The following DOK6 variants were observed in gnomAD, a reference collection of about 807,000 sequenced individuals.
The protein encoded by DOK6 is downstream of tyrosine kinase 6.
Under a neutral mutation model 44.0 loss-of-function variants are expected in DOK6, and 22 were observed. The observed-to-expected ratio is 0.50, with a 90% CI of 0.36 to 0.71. The LOEUF is 0.71. Among genes scored for constraint, DOK6 ranks in the 30% least tolerant of loss-of-function variants. The pLI, the probability that DOK6 is intolerant of heterozygous loss-of-function variation, is 0.00. For synonymous variants in DOK6, 166 were observed against 145.5 expected (o/e 1.14, Z -1.01); for missense variants, 340 against 416.4 (o/e 0.82, Z 1.60).
At chr18:69,570,107 T>C (rs1983079368) in intron 2 of DOK6, among the ~76,000 whole-genome samples, 1 of 151,550 alleles carries the variant, frequency 6.6e-6, no homozygotes, top group African/African-American at 2.4e-5. Flanking sequence ...GCTTAGTACC[T>C]GAGTGATGAA....
At chr18:69,667,496 G>A (rs1233559462) in intron 3 of DOK6, among the ~76,000 whole-genome samples, 1 of 152,074 alleles carries the variant, frequency 6.6e-6, no homozygotes, top group East Asian at 1.9e-4. Context: ...GCTACCTTAA[G>A]AAAAAGGTAA....
At chr18:69,409,866 A>T (rs1404436647) in intron 1 of DOK6, among the ~76,000 whole-genome samples, 1 of 152,214 alleles carries the variant, frequency 6.6e-6, no homozygotes, top group African/African-American at 2.4e-5. Context: ...GCTTTGAAAA[A>T]TATTCCTTTT....
intron 1 of DOK6, among the ~76,000 whole-genome samples, chr18:69,463,630 A>C (rs4255867): frequency 0.27 from 34,438 of 129,362 alleles, 4,196 homozygotes; most frequent in Middle Eastern, 0.41. Flanking sequence ...AGACTGTTTC[A>C]TTGACCTTTG....
At chr18:69,559,169 A>T (rs1456391421) in intron 1 of DOK6, among the ~76,000 whole-genome samples, 4 of 152,298 alleles carry the variant, frequency 2.6e-5, no homozygotes, top group East Asian at 3.9e-4. Flanking sequence ...TTAAAACAAT[A>T]TTGAGTGCCT....
At chr18:69,532,256 G>A (rs1599177039) in intron 1 of DOK6, among the ~76,000 whole-genome samples, 3 of 152,082 alleles carry the variant, frequency 2.0e-5, no homozygotes, top group South Asian at 2.1e-4. Flanking sequence ...CCCTTCTCCC[G>A]GTTTTACTGT....
At chr18:69,588,396 A>G (rs4605265) in intron 2 of DOK6, among the ~76,000 whole-genome samples, 17,850 of 152,162 alleles carry the variant, frequency 0.12, 1,183 homozygotes, top group Middle Eastern at 0.26. Flanking sequence ...GTGTTCTTCC[A>G]TCCTTAGGAT....
intron 3 of DOK6, among the ~76,000 whole-genome samples, chr18:69,636,976 T>C (rs1454899140): frequency 6.6e-6 from 1 of 152,206 alleles, no homozygotes; most frequent in Admixed American, 6.5e-5. Context: ...AGGATGATTG[T>C]GTACATAGAT....
intron 3 of DOK6, chr18:69,643,770 G>A (rs1489018820): frequency 6.6e-6 from 1 of 152,030 alleles, no homozygotes; most frequent in African/African-American, 2.4e-5. Context: ...ATGCTCAAGG[G>A]GCTAATTGCT....
At chr18:69,704,186 G>A (rs999477610) in intron 5 of DOK6, among the ~76,000 whole-genome samples, 2 of 152,172 alleles carry the variant, frequency 1.3e-5, no homozygotes, top group Admixed American at 6.5e-5. Flanking sequence ...GGTAATGCAT[G>A]TTATTTCTAT....
intron 5 of DOK6, among the ~76,000 whole-genome samples, chr18:69,737,811 G>A (rs913095502): frequency 1.3e-5 from 2 of 152,180 alleles, no homozygotes; most frequent in African/African-American, 2.4e-5. Flanking sequence ...CAATGACCGA[G>A]TGTGACATAA....
At chr18:69,526,453 T>C (rs1441865911) in intron 1 of DOK6, among the ~76,000 whole-genome samples, 1 of 152,214 alleles carries the variant, frequency 6.6e-6, no homozygotes, top group Non-Finnish European at 1.5e-5. Flanking sequence ...TAATATTCCT[T>C]TGTATGAATA....
chr18:69,666,416 T>TTC (rs1281202372), intron 3 of DOK6, among the ~76,000 whole-genome samples: 1 of 151,908 alleles, frequency 6.6e-6, no homozygotes, highest in Non-Finnish European at 1.5e-5. Flanking sequence ...CTCAGCTGAC[T>TTC]TCTATTCTTT....
chr18:69,747,149 C>T (rs1436489928), intron 6 of DOK6, among the ~76,000 whole-genome samples: 1 of 152,190 alleles, frequency 6.6e-6, no homozygotes, highest in South Asian at 2.1e-4. Flanking sequence ...CCAATTTGCA[C>T]ATTGCCAGGC....
At chr18:69,840,076 T>C (rs938869142) in intron 7 of DOK6, among the ~76,000 whole-genome samples, 1 of 152,124 alleles carries the variant, frequency 6.6e-6, no homozygotes, top group Non-Finnish European at 1.5e-5. Context: ...CTTCCCACAG[T>C]GAGAGAGTAT....
At chr18:69,578,484 C>T (rs1420720385) in intron 2 of DOK6, among the ~76,000 whole-genome samples, 1 of 152,142 alleles carries the variant, frequency 6.6e-6, no homozygotes, top group Non-Finnish European at 1.5e-5. Flanking sequence ...TCAAACAAGT[C>T]ATTCTACATG....
chr18:69,812,981 C>T (rs1857660820), intron 7 of DOK6, among the ~76,000 whole-genome samples: 1 of 152,044 alleles, frequency 6.6e-6, no homozygotes, highest in South Asian at 2.1e-4. Context: ...GGACACAAAG[C>T]CTAACCATAT....
intron 1 of DOK6, among the ~76,000 whole-genome samples, chr18:69,468,591 A>G (rs8083991): frequency 0.071 from 10,797 of 152,226 alleles, 434 homozygotes; most frequent in Middle Eastern, 0.13. Context: ...TCTGTGCTCT[A>G]TTTTCTGAGA....
intron 4 of DOK6, among the ~76,000 whole-genome samples, chr18:69,688,557 C>T (rs972929123): frequency 2.2e-4 from 34 of 152,206 alleles, no homozygotes; most frequent in African/African-American, 7.0e-4. Context: ...GAGTCTCGCT[C>T]TATTGCCCAG....
intron 1 of DOK6, among the ~76,000 whole-genome samples, chr18:69,446,454 C>A (rs1038247360): frequency 9.9e-5 from 15 of 151,878 alleles, no homozygotes; most frequent in African/African-American, 3.6e-4. Flanking sequence ...TCCAGTCTAT[C>A]ATTTTTGGAC....
Sources: allele counts gnomAD v4.1 joint callset (sites outside exome capture counted in the v4.1 genomes callset), GRCh38; gene constraint gnomAD v4.1.1; transcripts MANE v1.5; gene names NCBI Gene and HGNC (gene_info 2026-07-23, HGNC 2026-07-21).